Variants in DLG2 observed in about 807,000 individuals in gnomAD.
DLG2 encodes disks large homolog 2.
A neutral mutation model predicts 132.5 loss-of-function variants in DLG2; 45 were observed. The observed-to-expected ratio is 0.34, with a 90% CI of 0.27 to 0.44. DLG2 has a LOEUF of 0.44. DLG2 is among the 20% of genes least tolerant of loss of function. The probability of loss-of-function intolerance (pLI) is 1.00; values close to 1 mark genes in which losing one functional copy is unlikely to be tolerated. For missense variants in DLG2, 1,045 were observed against 1,196.9 expected (o/e 0.87, Z 1.87); for synonymous variants, 424 against 419.6 (o/e 1.01, Z -0.13).
At chr11:85,414,634 A>C (rs1373271917) in intron 3 of DLG2, among the ~76,000 whole-genome samples, 2 of 151,884 alleles carry the variant, frequency 1.3e-5, no homozygotes, top group African/African-American at 4.8e-5. Flanking sequence ...GTATAGTTTT[A>C]ATACATTGTT....
intron 8 of DLG2, among the ~76,000 whole-genome samples, chr11:84,212,620 C>G (rs1030021973): frequency 9.9e-5 from 15 of 152,162 alleles, no homozygotes; most frequent in Non-Finnish European, 1.3e-4. Context: ...GCTAATGATG[C>G]TTTTCTAAGG....
At chr11:84,585,612 T>C (rs1342788883) in intron 6 of DLG2, among the ~76,000 whole-genome samples, 1 of 152,266 alleles carries the variant, frequency 6.6e-6, no homozygotes, top group African/African-American at 2.4e-5. Flanking sequence ...ATCTTTATTA[T>C]ACTGAATATT....
At chr11:84,009,117 C>T (rs1340353794) in intron 11 of DLG2, among the ~76,000 whole-genome samples, 1 of 151,656 alleles carries the variant, frequency 6.6e-6, no homozygotes, top group African/African-American at 2.4e-5. Context: ...TTTTTGATTC[C>T]TCTAGCTTTT....
intron 11 of DLG2, among the ~76,000 whole-genome samples, chr11:83,998,814 C>T (rs889771902): frequency 2.0e-5 from 3 of 152,186 alleles, no homozygotes; most frequent in Non-Finnish European, 4.4e-5. Context: ...TGGAACCCAG[C>T]AGTGCCAGGG....
At chr11:83,889,122 A>C (rs1432553254) in intron 15 of DLG2, among the ~76,000 whole-genome samples, 9 of 152,268 alleles carry the variant, frequency 5.9e-5, no homozygotes, top group Non-Finnish European at 8.8e-5. Flanking sequence ...TAATTAAACT[A>C]AAGAGCTTCT....
At chr11:84,728,170 T>A (rs2062719337) in intron 6 of DLG2, among the ~76,000 whole-genome samples, 1 of 152,212 alleles carries the variant, frequency 6.6e-6, no homozygotes, top group African/African-American at 2.4e-5. Context: ...CTTGTGCCAA[T>A]TTTCAAAGGG....
chr11:84,819,074 A>AACACACACACACAC (rs2077383400), intron 6 of DLG2, among the ~76,000 whole-genome samples: 1 of 19,180 alleles, frequency 5.2e-5, no homozygotes, highest in Admixed American at 3.8e-4. Flanking sequence ...CTCACTCACA[A>AACACACACACACAC]ATACACACAC....
intron 19 of DLG2, among the ~76,000 whole-genome samples, chr11:83,627,114 A>G (rs983736466): frequency 1.3e-5 from 2 of 152,162 alleles, no homozygotes; most frequent in Non-Finnish European, 2.9e-5. Flanking sequence ...AACATTTATC[A>G]ACGACTTCCC....
intron 11 of DLG2, among the ~76,000 whole-genome samples, chr11:84,010,974 G>C (rs1232908168): frequency 6.6e-6 from 1 of 151,910 alleles, no homozygotes; most frequent in Non-Finnish European, 1.5e-5. Context: ...TTTCGAATTA[G>C]TTCTAATCAC....
In DLG2 at chr11:84,525,088, C is replaced by G. The variant is rs550381076; in HGVS notation, c.519+9482G>C. 3.3e-5 allele frequency among the ~76,000 whole-genome samples: 5 copies of G among 152,190 alleles called. No individual in the cohort carries two copies. The East Asian group carries it at 9.7e-4, about 29-fold the overall frequency. On this transcript the variant is annotated intron_variant, in intron 7 of 27. Transcript: ENST00000376104. ...TCCTCGGTAGGTACCTCTCTCTCCC[C>G]AAAGCCCATATATGGTGGTGGTGGA...
At chr11:84,322,493 A>T (rs1385440056) in intron 7 of DLG2, among the ~76,000 whole-genome samples, 2 of 152,228 alleles carry the variant, frequency 1.3e-5, no homozygotes, top group Admixed American at 6.5e-5. Context: ...CAGTTCCCTA[A>T]GTCAAAAGCC....
intron 7 of DLG2, among the ~76,000 whole-genome samples, chr11:84,268,540 C>A (rs577080617): frequency 6.7e-6 from 1 of 150,142 alleles, no homozygotes; most frequent in East Asian, 2.0e-4. Flanking sequence ...CGGCTCACTG[C>A]AAGCTCCACC....
chr11:84,435,099 C>T (rs568789), intron 7 of DLG2, among the ~76,000 whole-genome samples: 58,208 of 151,882 alleles, frequency 0.38, 17,573 homozygotes, highest in African/African-American at 0.84. Context: ...CTTCTTCCAT[C>T]TGTTGATAAA....
intron 16 of DLG2, among the ~76,000 whole-genome samples, chr11:83,866,592 A>G (rs186590812): frequency 3.9e-5 from 6 of 152,288 alleles, no homozygotes; most frequent in Non-Finnish European, 5.9e-5. Context: ...TTTTGGATAT[A>G]TTTAATTATA....
chr11:83,793,112 G>T (rs760581521), intron 17 of DLG2, among the ~76,000 whole-genome samples: 8 of 151,224 alleles, frequency 5.3e-5, no homozygotes, highest in South Asian at 2.1e-4. Context: ...TGCTTTTTTT[G>T]TTGTTGTTGT....
intron 11 of DLG2, among the ~76,000 whole-genome samples, chr11:84,034,153 A>G (rs34456332): frequency 0.022 from 3,406 of 152,074 alleles, 68 homozygotes; most frequent in Middle Eastern, 0.034. Context: ...TTCAGCAACC[A>G]CCACCCTGAT....
chr11:85,484,447 A>C (rs941378723), intron 3 of DLG2, among the ~76,000 whole-genome samples: 5 of 151,078 alleles, frequency 3.3e-5, no homozygotes, highest in African/African-American at 9.8e-5. Flanking sequence ...TTCGCAACCT[A>C]CTCATCTGAC....
At chr11:83,718,421 G>A (rs929209113) in intron 18 of DLG2, among the ~76,000 whole-genome samples, 1 of 151,264 alleles carries the variant, frequency 6.6e-6, no homozygotes, top group African/African-American at 2.4e-5. Flanking sequence ...CTACTCAGGA[G>A]GTTGAGGCAG....
At chr11:85,031,640 T>G (rs2061008257) in intron 6 of DLG2, among the ~76,000 whole-genome samples, 1 of 152,158 alleles carries the variant, frequency 6.6e-6, no homozygotes, top group Non-Finnish European at 1.5e-5. Context: ...CTTCAAAAAT[T>G]AAATAAGACC....
Sources: allele counts gnomAD v4.1 joint callset (sites outside exome capture counted in the v4.1 genomes callset), GRCh38; gene constraint gnomAD v4.1.1; transcripts MANE v1.5; gene names NCBI Gene and HGNC (gene_info 2026-07-23, HGNC 2026-07-21).